The following TBC1D19 variants were observed in gnomAD, a reference collection of about 807,000 sequenced individuals.
TBC1D19 encodes the protein TBC1 domain family, member 19.
TBC1D19 carries 60 observed loss-of-function variants against 89.0 expected under a neutral mutation model. That is an observed-to-expected ratio of 0.67 (90% CI 0.55 to 0.84). The LOEUF is 0.84. Among genes scored for constraint, TBC1D19 ranks in the 40% least tolerant of loss-of-function variants. The pLI, the probability that TBC1D19 is intolerant of heterozygous loss-of-function variation, is 0.00. For synonymous variants in TBC1D19, 189 were observed against 199.7 expected (o/e 0.95, Z 0.45); for missense variants, 500 against 610.8 (o/e 0.82, Z 1.91).
the TBC1D19 span, among the ~76,000 whole-genome samples, chr4:26,831,578 CTTTTTTTTTTTTCT>C: frequency 4.1e-5 from 5 of 123,374 alleles, no homozygotes; most frequent in East Asian, 2.8e-4. Context: ...TCTTTTTCTT[CTTTTTTTTTTTTCT>C]TTTTTTTTTT....
chr4:26,708,171 G>T (rs1361322726), intron 13 of TBC1D19, among the ~76,000 whole-genome samples: 1 of 151,942 alleles, frequency 6.6e-6, no homozygotes, highest in Non-Finnish European at 1.5e-5. Context: ...TGAAGGTCAG[G>T]TCTCAGCATT....
chr4:26,812,832 A>C, the TBC1D19 span, among the ~76,000 whole-genome samples: 6 of 46,452 alleles, frequency 1.3e-4, no homozygotes, highest in Admixed American at 4.1e-4. The surrounding 1 kb of genome is among the most constrained non-coding windows in gnomAD (Gnocchi z 4.2). Context: ...CTATATATGT[A>C]TATATATGTA....
chr4:26,652,788 A>G (rs546099726), intron 7 of TBC1D19, among the ~76,000 whole-genome samples: 7 of 152,168 alleles, frequency 4.6e-5, no homozygotes, highest in African/African-American at 1.4e-4. Flanking sequence ...CTAGCGGTCT[A>G]TCAATTTTGT....
intron 1 of TBC1D19, among the ~76,000 whole-genome samples, chr4:26,605,045 T>A (rs562302850): frequency 4.6e-5 from 7 of 152,128 alleles, no homozygotes; most frequent in South Asian, 2.1e-4. Flanking sequence ...ATTCTTTTTT[T>A]ATTTTTATTT....
rs547941101 is a variant in TBC1D19, at chr4:26,628,046, C to G, written c.294+7358C>G. Among the ~76,000 whole-genome samples, 40 of 152,220 alleles carry G rather than the reference C, an allele frequency of 2.6e-4. No homozygotes were observed. In the South Asian group the frequency reaches 7.9e-3, roughly 30 times the overall value. On this transcript the variant is annotated intron_variant, in intron 4 of 20. Coordinates refer to ENST00000264866, the MANE Select transcript of TBC1D19 (RefSeq NM_018317.4). ...TCTAACGTTTAAGTCTTTAATCCAT[C>G]TTGAATTAATTTTTGTATAAGGTGT...
intron 4 of TBC1D19, among the ~76,000 whole-genome samples, chr4:26,636,982 G>T (rs981188585): frequency 3.9e-5 from 6 of 151,954 alleles, no homozygotes; most frequent in African/African-American, 1.4e-4. Flanking sequence ...TAAAATATCA[G>T]TTATTTGAGG....
At chr4:26,843,217 C>T in the TBC1D19 span, among the ~76,000 whole-genome samples, 10 of 152,154 alleles carry the variant, frequency 6.6e-5, no homozygotes, top group Non-Finnish European at 1.3e-4. Flanking sequence ...TTTTTTGGAA[C>T]GTGTTCACAT....
the TBC1D19 span, among the ~76,000 whole-genome samples, chr4:26,766,318 C>T: frequency 6.6e-6 from 1 of 152,196 alleles, no homozygotes; most frequent in Non-Finnish European, 1.5e-5. Flanking sequence ...TAATGGAGCA[C>T]TGTATGAGGA....
At chr4:26,768,690 CTTATT>C in the TBC1D19 span, among the ~76,000 whole-genome samples, 1 of 151,844 alleles carries the variant, frequency 6.6e-6, no homozygotes, top group Non-Finnish European at 1.5e-5. Flanking sequence ...AAAGGAACTG[CTTATT>C]TTAACAGCAG....
intron 1 of TBC1D19, among the ~76,000 whole-genome samples, chr4:26,608,853 C>A (rs1741169508): frequency 6.6e-6 from 1 of 151,292 alleles, no homozygotes. Context: ...AAAATAGAAT[C>A]ATGCTGCTAT....
intron 8 of TBC1D19, among the ~76,000 whole-genome samples, chr4:26,660,199 A>G (rs563163666): frequency 1.3e-5 from 2 of 152,304 alleles, no homozygotes; most frequent in East Asian, 3.9e-4. Context: ...AATGAAAAGT[A>G]GGGAGATTTC....
At chr4:26,733,125 C>T (rs1308613148) in intron 15 of TBC1D19, among the ~76,000 whole-genome samples, 1 of 152,176 alleles carries the variant, frequency 6.6e-6, no homozygotes, top group Admixed American at 6.5e-5. Context: ...CACTTGTGAG[C>T]TTAAAGCAGT....
intron 12 of TBC1D19, among the ~76,000 whole-genome samples, chr4:26,687,470 A>C (rs1468923794): frequency 6.6e-6 from 1 of 152,160 alleles, no homozygotes; most frequent in Non-Finnish European, 1.5e-5. Context: ...CTCTGGACAT[A>C]ATATTCAGAG....
intron 13 of TBC1D19, among the ~76,000 whole-genome samples, chr4:26,706,847 T>C (rs1183217067): frequency 6.6e-6 from 1 of 152,116 alleles, no homozygotes; most frequent in Admixed American, 6.6e-5. Context: ...CCAGTTTTCC[T>C]TCTGTGACTG....
intron 7 of TBC1D19, among the ~76,000 whole-genome samples, chr4:26,640,610 CA>C (rs1368625604): frequency 6.6e-6 from 1 of 152,152 alleles, no homozygotes; most frequent in African/African-American, 2.4e-5. Flanking sequence ...GGCATTGCCT[CA>C]CCTGGGAAGG....
chr4:26,821,377 T>C, the TBC1D19 span, among the ~76,000 whole-genome samples: 51 of 152,252 alleles, frequency 3.3e-4, no homozygotes, highest in Non-Finnish European at 7.2e-4. Context: ...AAATCTACCA[T>C]TAACATTGTT....
At chr4:26,702,433 G>A (rs1225844257) in intron 13 of TBC1D19, 1 of 151,982 alleles carries the variant, frequency 6.6e-6, no homozygotes, top group African/African-American at 2.4e-5. Context: ...ACCTTTGATG[G>A]GCTTACATTC....
intron 9 of TBC1D19, among the ~76,000 whole-genome samples, chr4:26,668,159 TATAAAATATCTTATAAA>T (rs1328676656): frequency 1.3e-5 from 2 of 152,058 alleles, no homozygotes; most frequent in South Asian, 2.1e-4. Context: ...TATAAGAAGA[TATAAAATATCTTATAAA>T]ATAAAATATC....
intron 1 of TBC1D19, among the ~76,000 whole-genome samples, chr4:26,609,463 G>A (rs530221749): frequency 2.0e-5 from 3 of 152,200 alleles, no homozygotes; most frequent in Middle Eastern, 3.4e-3. Context: ...AGGATGTCTT[G>A]GAAGCTAGCA....
Sources: gnomAD v4.1 joint callset for allele counts (sites outside exome capture counted in the v4.1 genomes callset) on GRCh38, gnomAD v4.1.1 for gene constraint, Gnocchi (gnomAD v3.1) non-coding constraint, MANE v1.5 for transcripts, NCBI Gene and HGNC (gene_info 2026-07-23, HGNC 2026-07-21) for gene names.